The following PACRG variants were observed in gnomAD, a reference collection of about 807,000 sequenced individuals.
PACRG encodes parkin coregulated gene protein.
Under a neutral mutation model 29.7 loss-of-function variants are expected in PACRG, and 29 were observed. The ratio of observed to expected loss-of-function variants is 0.98; its 90% CI spans 0.73 to 1.33. The LOEUF (loss-of-function observed/expected upper bound fraction) is 1.33, where lower values mean the gene tolerates loss of function less well. PACRG is among the 40% of genes most tolerant of loss of function. The pLI, the probability that PACRG is intolerant of heterozygous loss-of-function variation, is 0.00. For synonymous variants in PACRG, 116 were observed against 118.7 expected, an observed-to-expected ratio of 0.98 and a Z score of 0.15; for missense variants, 279 against 316.2, an observed-to-expected ratio of 0.88 and a Z score of 0.89.
chr6:163,071,113 C>T (rs977734687), intron 3 of PACRG, among the ~76,000 whole-genome samples: 1 of 152,070 alleles, frequency 6.6e-6, no homozygotes, highest in Non-Finnish European at 1.5e-5. Context: ...CTTCAACACC[C>T]CACTTTCTGC....
chr6:163,010,199 G>A (rs1805483328), intron 2 of PACRG, among the ~76,000 whole-genome samples: 2 of 152,162 alleles, frequency 1.3e-5, no homozygotes, highest in Admixed American at 6.5e-5. Context: ...GTCTTGCTGT[G>A]CTAGATGATA....
At chr6:163,119,642 G>T (rs2128323917) in intron 4 of PACRG, among the ~76,000 whole-genome samples, 2 of 152,322 alleles carry the variant, frequency 1.3e-5, no homozygotes, top group South Asian at 2.1e-4. Flanking sequence ...ACAGGAGATT[G>T]TAACCTGTGC....
At chr6:162,978,816 A>G (rs1802171522) in intron 2 of PACRG, among the ~76,000 whole-genome samples, 1 of 152,208 alleles carries the variant, frequency 6.6e-6, no homozygotes, top group Non-Finnish European at 1.5e-5. Flanking sequence ...TAAACCCACC[A>G]AATAATGAAA....
intron 3 of PACRG, among the ~76,000 whole-genome samples, chr6:163,088,396 C>A (rs1325256096): frequency 6.6e-6 from 1 of 152,124 alleles, no homozygotes; most frequent in Non-Finnish European, 1.5e-5. Context: ...TCTACTTAAA[C>A]CATGGTACTT....
At chr6:163,244,854 A>G (rs1486934636) in intron 4 of PACRG, 6 of 266,672 alleles carry the variant, frequency 2.2e-5, no homozygotes, top group Non-Finnish European at 3.8e-5. Flanking sequence ...AAAGTATTTT[A>G]GCCACTAAAA....
chr6:162,884,643 G>A (rs971389212), intron 2 of PACRG, among the ~76,000 whole-genome samples: 1 of 152,158 alleles, frequency 6.6e-6, no homozygotes, highest in Non-Finnish European at 1.5e-5. Flanking sequence ...AGTATGTGGA[G>A]TAAATGCTTT....
At chr6:163,193,683 C>T (rs936938886) in intron 4 of PACRG, among the ~76,000 whole-genome samples, 11 of 151,800 alleles carry the variant, frequency 7.2e-5, no homozygotes, top group African/African-American at 2.2e-4. Context: ...ATATTGAACT[C>T]GACAAATTTT....
intron 2 of PACRG, among the ~76,000 whole-genome samples, chr6:162,889,187 C>G (rs563534628): frequency 6.6e-6 from 1 of 152,120 alleles, no homozygotes; most frequent in Admixed American, 6.5e-5. Context: ...TCAAGGTGGT[C>G]AAAGTCATGA....
intron 2 of PACRG, among the ~76,000 whole-genome samples, chr6:162,966,118 C>A (rs1214623055): frequency 2.0e-5 from 3 of 152,192 alleles, no homozygotes; most frequent in Non-Finnish European, 2.9e-5. Flanking sequence ...CGAATAAATG[C>A]TTGCCTGGAC....
intron 1 of PACRG, among the ~76,000 whole-genome samples, chr6:162,734,608 C>G (rs959242358): frequency 3.7e-4 from 57 of 152,084 alleles, no homozygotes; most frequent in Admixed American, 3.7e-3. Flanking sequence ...GATCTTCATT[C>G]CATTTGGCTT....
chr6:163,161,018 C>A (rs375246414), intron 4 of PACRG, among the ~76,000 whole-genome samples: 213 of 152,292 alleles, frequency 1.4e-3, no homozygotes, highest in African/African-American at 4.8e-3. Flanking sequence ...AGTTAGGAAG[C>A]GGCAAAGCCA....
At chr6:163,278,199 T>C (rs950388653) in intron 4 of PACRG, among the ~76,000 whole-genome samples, 1 of 152,062 alleles carries the variant, frequency 6.6e-6, no homozygotes. Context: ...ATTTTCTCTT[T>C]CTGATTTGTT....
chr6:162,789,797 T>C (rs1232659686), intron 1 of PACRG, among the ~76,000 whole-genome samples: 2 of 152,204 alleles, frequency 1.3e-5, no homozygotes, highest in Non-Finnish European at 2.9e-5. Flanking sequence ...CAGGGTGAGA[T>C]AACTGTGCCA....
intron 2 of PACRG, among the ~76,000 whole-genome samples, chr6:162,950,766 A>T (rs1430999348): frequency 2.0e-5 from 3 of 152,190 alleles, no homozygotes; most frequent in African/African-American, 7.2e-5. Context: ...AACTTGTAAA[A>T]TGTATATGGG....
chr6:163,270,869 C>A (rs1433533413), intron 4 of PACRG, among the ~76,000 whole-genome samples: 3 of 152,064 alleles, frequency 2.0e-5, no homozygotes, highest in Non-Finnish European at 4.4e-5. Flanking sequence ...TAGCAAACTT[C>A]TGAATTGGTT....
At chr6:163,058,992 T>C (rs1810858869) in intron 2 of PACRG, among the ~76,000 whole-genome samples, 1 of 150,746 alleles carries the variant, frequency 6.6e-6, no homozygotes, top group Non-Finnish European at 1.5e-5. Context: ...GGCAGGAGAA[T>C]CGCTTGAACC....
At chr6:163,088,736 G>A (rs1585186703) in intron 3 of PACRG, among the ~76,000 whole-genome samples, 2 of 151,372 alleles carry the variant, frequency 1.3e-5, no homozygotes, top group South Asian at 2.1e-4. Flanking sequence ...GGGCCTAAAC[G>A]TAGTCACTTT....
intron 4 of PACRG, among the ~76,000 whole-genome samples, chr6:163,126,753 G>T (rs1440594263): frequency 1.3e-5 from 2 of 152,180 alleles, no homozygotes; most frequent in Non-Finnish European, 2.9e-5. Context: ...AAAGCAAAAT[G>T]CCACAGACCC....
chr6:163,276,291 G>T (rs927117094), intron 4 of PACRG, among the ~76,000 whole-genome samples: 3 of 152,148 alleles, frequency 2.0e-5, no homozygotes, highest in Non-Finnish European at 4.4e-5. Context: ...GCCTCCCAAA[G>T]TGCTGGAATT....
Sources: allele counts gnomAD v4.1 joint callset (sites outside exome capture counted in the v4.1 genomes callset), GRCh38; gene constraint gnomAD v4.1.1; transcripts MANE v1.5; gene names NCBI Gene and HGNC (gene_info 2026-07-23, HGNC 2026-07-21).